Variants in PLA2R1 observed in about 807,000 individuals in gnomAD.
The protein encoded by PLA2R1 is phospholipase A2 receptor 1.
In PLA2R1, 158 loss-of-function variants were observed where a neutral mutation model predicts 195.9. That is an observed-to-expected ratio of 0.81 (90% CI 0.71 to 0.92). The LOEUF is 0.92. Ranked by LOEUF, PLA2R1 falls within the 40% of genes least tolerant of loss-of-function variation. PLA2R1 has a pLI of 0.00. For synonymous variants in PLA2R1, 586 were observed against 598.2 expected (o/e 0.98, Z 0.30); for missense variants, 1,626 against 1,764.6 (o/e 0.92, Z 1.41).
intron 1 of PLA2R1, among the ~76,000 whole-genome samples, chr2:160,057,495 A>T (rs1396970094): frequency 6.6e-6 from 1 of 152,188 alleles, no homozygotes; most frequent in Non-Finnish European, 1.5e-5. Context: ...GGGCCTTTGC[A>T]CATGAAATAC....
chr2:159,991,346 T>C (rs1412592761), intron 11 of PLA2R1, among the ~76,000 whole-genome samples: 1 of 152,032 alleles, frequency 6.6e-6, no homozygotes, highest in East Asian at 1.9e-4. Context: ...ATTTATATGG[T>C]GGCTCATTTC....
chr2:159,996,101 A>G (rs1186395191), intron 11 of PLA2R1, among the ~76,000 whole-genome samples: 3 of 152,064 alleles, frequency 2.0e-5, no homozygotes, highest in African/African-American at 7.2e-5. Flanking sequence ...AGAAGTTTTT[A>G]TTTTACCTTC....
chr2:159,949,571 T>A, intron 25 of PLA2R1, 37 bp downstream of exon 25: 1 of 1,501,180 alleles, frequency 6.7e-7, no homozygotes, highest in Non-Finnish European at 9.3e-7. Context: ...AGTAGTTAAA[T>A]AAGGTATATT....
chr2:160,045,259 C>T (rs1694789571), intron 1 of PLA2R1, 102 bp from the exon 2 acceptor site: 1 of 847,344 alleles, frequency 1.2e-6, no homozygotes. Flanking sequence ...GCGACAGTTG[C>T]CAGCCATTTC....
rs1689320807 is a variant in PLA2R1 at position 159,973,455 on chromosome 2, T to C, written c.2595+2613A>G. On this transcript the variant is annotated intron_variant, in intron 17 of 29. Transcript: ENST00000283243. Reference sequence around the variant, plus strand: ...ATATTACAAGGCAGATGGCAGATGATAAGGTCATGAGGGTGGGGGGTGGGG... The same window carrying C: ...ATATTACAAGGCAGATGGCAGATGACAAGGTCATGAGGGTGGGGGGTGGGG... Among the ~76,000 whole-genome samples, 3 of 118,184 alleles carry C rather than the reference T, an allele frequency of 2.5e-5. No homozygotes were observed. The South Asian group carries it at 9.7e-4, about 38-fold the overall frequency. The allele number at this position is 118,184 out of a possible 152,430, so 77.5% of individuals were successfully genotyped here. A position where few individuals can be genotyped will look rare whatever the true frequency, so the allele number is the denominator to read the frequency against.
chr2:159,929,379 C>T (rs192082367), downstream of PLA2R1, among the ~76,000 whole-genome samples: 11 of 152,164 alleles, frequency 7.2e-5, no homozygotes, highest in East Asian at 1.9e-3. Context: ...ACACAAATGG[C>T]CAACAAACAT....
At chr2:160,020,361 T>G in intron 7 of PLA2R1, 98 bp from the exon 8 acceptor site, 1 of 724,322 alleles carries the variant, frequency 1.4e-6, no homozygotes, top group Non-Finnish European at 2.3e-6. Flanking sequence ...TCACATGTGA[T>G]TTCTTCTTTA....
intron 13 of PLA2R1, among the ~76,000 whole-genome samples, 172 bp from the exon 14 acceptor site, chr2:159,980,086 A>C (rs1560172103): frequency 6.6e-6 from 1 of 152,140 alleles, no homozygotes; most frequent in Non-Finnish European, 1.5e-5. Context: ...AAATATTTTA[A>C]AATATTTATG....
intron 9 of PLA2R1, among the ~76,000 whole-genome samples, chr2:160,015,756 A>C (rs1352814984): frequency 6.6e-6 from 1 of 152,226 alleles, no homozygotes; most frequent in African/African-American, 2.4e-5. Flanking sequence ...TAGAGTATGA[A>C]GTTCACATGT....
In PLA2R1 at chr2:160,062,477, A is replaced by C; in HGVS notation, c.-74T>G. ...TCCCGGGAGCCCAGAGCCGCGTCCCAAGCACCCGGCCCCGCCGCGCGGAAG... is the reference window on the plus strand; with the variant it reads ...TCCCGGGAGCCCAGAGCCGCGTCCCCAGCACCCGGCCCCGCCGCGCGGAAG... On this transcript the variant is annotated 5_prime_UTR_variant, in exon 1 of 30. Transcript: ENST00000283243. 2 of 1,446,868 alleles carry C rather than the reference A, an allele frequency of 1.4e-6. No individual in the cohort carries two copies. The highest frequency in any genetic ancestry group is 1.8e-6 in the Non-Finnish European group (2 of 1,103,584). The allele number at this position is 1,446,868 out of a possible 1,614,324, so 89.6% of individuals were successfully genotyped here.
chr2:159,994,846 G>A (rs1203628324), intron 11 of PLA2R1, among the ~76,000 whole-genome samples: 1 of 152,030 alleles, frequency 6.6e-6, no homozygotes, highest in Non-Finnish European at 1.5e-5. Flanking sequence ...CTAGTGAAAT[G>A]CGTGACAGGA....
Position 159,941,667 on chromosome 2 carries a change from G to A in PLA2R1, c.*111C>T, listed in dbSNP as rs1447463437. 3 of 619,782 alleles carry A rather than the reference G, an allele frequency of 4.8e-6. No individual in the cohort carries two copies. Among genetic ancestry groups the A allele is most frequent in the Non-Finnish European group, 8.6e-6 (3 of 348,020 alleles). The allele number at this position is 619,782 out of a possible 1,614,324, so 38.4% of individuals were successfully genotyped here. ...TCACTTCAAGAATAATTAAAATAGT[G>A]ACCCAATTCACATTCTAATGGCATC... On this transcript the variant is annotated 3_prime_UTR_variant, in exon 30 of 30. Transcript: ENST00000283243.
At chr2:159,986,365 G>A (rs1690335144) in intron 12 of PLA2R1, among the ~76,000 whole-genome samples, 1 of 152,056 alleles carries the variant, frequency 6.6e-6, no homozygotes, top group Non-Finnish European at 1.5e-5. Flanking sequence ...CAGAAAAGGA[G>A]TACTCAACCT....
At chr2:160,014,090 T>C (rs1039931) in intron 9 of PLA2R1, among the ~76,000 whole-genome samples, 113,389 of 151,914 alleles carry the variant, frequency 0.75, 42,675 homozygotes, top group East Asian at 0.88. Flanking sequence ...CTGAGATTCA[T>C]TGAGATTAGG....
intron 23 of PLA2R1, among the ~76,000 whole-genome samples, chr2:159,954,775 GA>G (rs1233867757): frequency 1.3e-5 from 2 of 152,074 alleles, no homozygotes; most frequent in African/African-American, 4.8e-5. Flanking sequence ...ATCAGATCTA[GA>G]AGATTGCTGC....
At chr2:160,028,454 T>C in intron 5 of PLA2R1, 93 bp from the exon 6 acceptor site, 1 of 879,742 alleles carries the variant, frequency 1.1e-6, no homozygotes. Context: ...GGGACAGCGT[T>C]TCTATTTGTC....
At chr2:160,033,913 G>A (rs1267377990) in intron 3 of PLA2R1, among the ~76,000 whole-genome samples, 1 of 152,172 alleles carries the variant, frequency 6.6e-6, no homozygotes, top group African/African-American at 2.4e-5. Flanking sequence ...CAGAGAATGT[G>A]AGCCATACTG....
intron 1 of PLA2R1, among the ~76,000 whole-genome samples, chr2:160,046,694 C>G (rs1694898204): frequency 6.6e-6 from 1 of 151,822 alleles, no homozygotes; most frequent in Non-Finnish European, 1.5e-5. Flanking sequence ...CAGAGAATTG[C>G]TTTGATCACC....
intron 7 of PLA2R1, among the ~76,000 whole-genome samples, chr2:160,021,098 G>A (rs1448648311): frequency 6.6e-6 from 1 of 152,142 alleles, no homozygotes; most frequent in Non-Finnish European, 1.5e-5. Context: ...TGATAGTCTA[G>A]CTTAAAGATA....
Sources: gnomAD v4.1 joint callset for allele counts (sites outside exome capture counted in the v4.1 genomes callset) on GRCh38, gnomAD v4.1.1 for gene constraint, MANE v1.5 for transcripts, NCBI Gene and HGNC (gene_info 2026-07-23, HGNC 2026-07-21) for gene names.